RAI14: variants seen among roughly 807,000 people sequenced by gnomAD.
RAI14 encodes the protein ankycorbin.
A neutral mutation model predicts 115.4 loss-of-function variants in RAI14; 45 were observed. That is an observed-to-expected ratio of 0.39 (90% CI 0.31 to 0.50). RAI14 has a LOEUF of 0.50. RAI14 is among the 20% of genes least tolerant of loss of function. The probability of loss-of-function intolerance (pLI) is 0.85; values close to 1 mark genes in which losing one functional copy is unlikely to be tolerated. For missense variants in RAI14, 939 were observed against 1,131.2 expected (o/e 0.83, Z 2.44); for synonymous variants, 371 against 415.4 (o/e 0.89, Z 1.30).
At chr5:34,713,735 T>C (rs1741675988) in intron 2 of RAI14, among the ~76,000 whole-genome samples, 1 of 152,080 alleles carries the variant, frequency 6.6e-6, no homozygotes, top group South Asian at 2.1e-4. Flanking sequence ...TTAGATGGCT[T>C]CATTGTCTAT....
chr5:34,741,507 T>A (rs1460188337), intron 2 of RAI14, among the ~76,000 whole-genome samples: 3 of 152,160 alleles, frequency 2.0e-5, no homozygotes, highest in Non-Finnish European at 1.5e-5. Flanking sequence ...GGCAGAGAGA[T>A]GGCCAGATAA....
chr5:34,749,907 G>A (rs181555905), intron 2 of RAI14, among the ~76,000 whole-genome samples: 99 of 152,256 alleles, frequency 6.5e-4, no homozygotes, highest in Non-Finnish European at 1.3e-3. Flanking sequence ...GTCTGTGAAT[G>A]TTTCTCTAGA....
chr5:34,806,734 G>A (rs369666123), intron 5 of RAI14, among the ~76,000 whole-genome samples: 33 of 152,130 alleles, frequency 2.2e-4, no homozygotes, highest in East Asian at 1.5e-3. Context: ...GGTGGGGCAC[G>A]GGGGAGGGGA....
At chr5:34,815,697 C>T (rs894487684) in intron 12 of RAI14, among the ~76,000 whole-genome samples, 1 of 152,026 alleles carries the variant, frequency 6.6e-6, no homozygotes, top group African/African-American at 2.4e-5. Flanking sequence ...ACATTTCATC[C>T]AGATAAAAGG....
At chr5:34,681,476 C>A (rs1744374165) in intron 1 of RAI14, among the ~76,000 whole-genome samples, 1 of 152,020 alleles carries the variant, frequency 6.6e-6, no homozygotes, top group Admixed American at 6.6e-5. Flanking sequence ...AGATGTATTC[C>A]TATATTCCGT....
rs199657623 is a variant in RAI14 at position 34,725,962 on chromosome 5, C to CAAAAAAAAAAAAAA, written c.37-31503_37-31490dup. ...GGGCAACAGGAGCGAAACTGCTTCTCAAAAAAAAAAAAAAAAGCCACAAAT... is the reference window on the plus strand; with the variant it reads ...GGGCAACAGGAGCGAAACTGCTTCTCAAAAAAAAAAAAAAAAAAAAAAAAAAAAAAGCCACAAAT... On this transcript the variant is annotated intron_variant, in intron 2 of 17. Transcript: ENST00000265109. Among the ~76,000 whole-genome samples, 8 of 113,744 alleles carry CAAAAAAAAAAAAAA rather than the reference C, an allele frequency of 7.0e-5. 3 individuals carry two copies. The highest frequency in any genetic ancestry group is 9.1e-5 in the African/African-American group (3 of 33,024). 74.6% of individuals were successfully genotyped at this position (113,744 alleles called of 152,430 possible).
intron 2 of RAI14, chr5:34,728,792 G>A (rs1013509503): frequency 2.6e-5 from 4 of 152,064 alleles, no homozygotes; most frequent in Non-Finnish European, 5.9e-5. Flanking sequence ...GCCAGGTGTG[G>A]TGGCACCTGT....
chr5:34,666,530 G>C (rs540662662), intron 1 of RAI14, among the ~76,000 whole-genome samples: 2 of 152,340 alleles, frequency 1.3e-5, no homozygotes, highest in South Asian at 4.1e-4. Context: ...CTGGAAGCCT[G>C]CTCTTCTGGA....
intron 3 of RAI14, among the ~76,000 whole-genome samples, chr5:34,785,821 T>C (rs139113178): frequency 0.027 from 4,116 of 152,330 alleles, 195 homozygotes; most frequent in African/African-American, 0.093. Flanking sequence ...CTGTACTATA[T>C]GCTCTCCTGG....
chr5:34,822,943 T>G lies in RAI14; in HGVS notation c.1114-13T>G, dbSNP rs745870558. ...ACCTTTGATATCATTTAATTCTTGCTTTTTTTTCCTAGGCCAAATCACCCA... is the reference window on the plus strand; with the variant it reads ...ACCTTTGATATCATTTAATTCTTGCGTTTTTTTCCTAGGCCAAATCACCCA... On this transcript the variant is annotated splice_polypyrimidine_tract_variant and intron_variant, in intron 14 of 17. Coordinates refer to ENST00000265109, the MANE Select transcript of RAI14 (RefSeq NM_015577.3). 48 of 1,590,338 alleles carry G rather than the reference T, an allele frequency of 3.0e-5. No individual in the cohort carries two copies. Among genetic ancestry groups the G allele is most frequent in the Non-Finnish European group, 4.1e-5 (48 of 1,165,960 alleles).
chr5:34,734,784 C>A (rs1744652234), intron 2 of RAI14, among the ~76,000 whole-genome samples: 1 of 152,040 alleles, frequency 6.6e-6, no homozygotes, highest in East Asian at 1.9e-4. Context: ...GCCTCAGCTC[C>A]CGAGTAGCTG....
intron 2 of RAI14, among the ~76,000 whole-genome samples, chr5:34,744,880 C>T (rs73074504): frequency 6.6e-6 from 1 of 152,160 alleles, no homozygotes; most frequent in Non-Finnish European, 1.5e-5. Flanking sequence ...AGGGAAGAAT[C>T]CTTCCTTGCC....
Position 34,687,592 on chromosome 5 carries a change from T to A in RAI14, c.36+637T>A, listed in dbSNP as rs1738005982. On this transcript the variant is annotated intron_variant, in intron 2 of 17. Transcript: ENST00000265109. ...AACATAGCAGAGGGGTTGTACACGATAATATTTTTTTAAAAGGTCACCCCA... is the reference window on the plus strand; with the variant it reads ...AACATAGCAGAGGGGTTGTACACGAAAATATTTTTTTAAAAGGTCACCCCA... 6.0e-6 allele frequency: 9 copies of A among 1,511,974 alleles called. No individual in the cohort carries two copies. The East Asian group carries it at 7.5e-5, about 13-fold the overall frequency. 93.7% of individuals were successfully genotyped at this position (1,511,974 alleles called of 1,614,324 possible). A position where few individuals can be genotyped will look rare whatever the true frequency, so the allele number is the denominator to read the frequency against.
chr5:34,789,062 T>G (rs1752638064), intron 3 of RAI14, among the ~76,000 whole-genome samples: 1 of 152,178 alleles, frequency 6.6e-6, no homozygotes, highest in Non-Finnish European at 1.5e-5. Context: ...AGGCTCTTTT[T>G]ATTTAGAGTT....
At position 34,656,330 on chromosome 5, in the gene RAI14, T is replaced by A. The variant is rs990497470; in HGVS notation, c.-194T>A. On this transcript the variant is annotated 5_prime_UTR_variant, in exon 1 of 18. Transcript: ENST00000265109. The stretch of plus-strand genomic sequence containing the variant: ...CCTAGCCCGGGAGCTCGGCGCCCAC[T>A]GACCCCCGCAGCGGGGGAGGAGGAG... 2 of 151,632 alleles carry A rather than the reference T, an allele frequency of 1.3e-5. No homozygotes were observed. The highest frequency in any genetic ancestry group is 4.8e-5 in the African/African-American group (2 of 41,300). The allele number at this position is 151,632 out of a possible 1,614,324, so 9.4% of individuals were successfully genotyped here.
intron 3 of RAI14, among the ~76,000 whole-genome samples, chr5:34,781,207 C>T (rs1395505677): frequency 7.6e-6 from 1 of 131,996 alleles, no homozygotes; most frequent in African/African-American, 2.9e-5. Context: ...GAACATCACA[C>T]ACCGGGGTCT....
chr5:34,729,724 G>GT (rs1437760016), intron 2 of RAI14, among the ~76,000 whole-genome samples: 1 of 152,096 alleles, frequency 6.6e-6, no homozygotes, highest in African/African-American at 2.4e-5. Flanking sequence ...TCTTCAACAA[G>GT]TAGATTAAAA....
Position 34,711,225 on chromosome 5 carries a change from G to A in RAI14, c.36+24270G>A, listed in dbSNP as rs116153004. On this transcript the variant is annotated intron_variant, in intron 2 of 17. Transcript: ENST00000265109. The stretch of plus-strand genomic sequence containing the variant: ...TGCAGGCGGGTTGAGTCCGAAAAGA[G>A]ACTCAGCAAAGGGTGGTGGATTTTC... Among the ~76,000 whole-genome samples the A allele has an allele frequency of 3.3e-3, 509 of 152,342 alleles. 1 individual carries two copies. Among genetic ancestry groups the A allele is most frequent in the African/African-American group, 0.012 (490 of 41,580 alleles).
intron 1 of RAI14, among the ~76,000 whole-genome samples, chr5:34,674,780 G>C (rs1167032532): frequency 6.6e-6 from 1 of 151,920 alleles, no homozygotes; most frequent in Admixed American, 6.6e-5. Context: ...GTGGAGACGG[G>C]GTTTCGCCAT....
Sources: allele counts gnomAD v4.1 joint callset (sites outside exome capture counted in the v4.1 genomes callset), GRCh38; gene constraint gnomAD v4.1.1; transcripts MANE v1.5; gene names NCBI Gene and HGNC (gene_info 2026-07-23, HGNC 2026-07-21).